SLC9B1: variants seen among roughly 807,000 people sequenced by gnomAD.
SLC9B1 encodes sodium/hydrogen exchanger 9B1.
A neutral mutation model predicts 51.7 loss-of-function variants in SLC9B1; 32 were observed. The observed-to-expected ratio is 0.62, with a 90% CI of 0.47 to 0.83. The LOEUF (loss-of-function observed/expected upper bound fraction) is 0.83. Ranked by LOEUF, SLC9B1 falls within the 40% of genes least tolerant of loss-of-function variation. SLC9B1 has a pLI of 0.00. For synonymous variants in SLC9B1, 145 were observed against 212.7 expected (o/e 0.68, Z 2.77); for missense variants, 406 against 613.2 (o/e 0.66, Z 3.57).
intron 1 of SLC9B1, among the ~76,000 whole-genome samples, chr4:103,000,621 T>C (rs1740469956): frequency 6.6e-6 from 1 of 152,178 alleles, no homozygotes; most frequent in South Asian, 2.1e-4. Flanking sequence ...GTGGGGGCAG[T>C]CATTAAACCT....
intron 1 of SLC9B1, among the ~76,000 whole-genome samples, chr4:103,015,311 A>T (rs1045838888): frequency 1.3e-5 from 2 of 151,524 alleles, no homozygotes; most frequent in Non-Finnish European, 3.0e-5. Context: ...TCAGGCCACA[A>T]TTTTTTTTAA....
chr4:102,917,645 C>G (rs1310049543), intron 7 of SLC9B1, among the ~76,000 whole-genome samples: 5 of 151,916 alleles, frequency 3.3e-5, no homozygotes, highest in Admixed American at 3.3e-4. Flanking sequence ...ATGAAGAGGA[C>G]AGTTTATATA....
chr4:102,903,026 T>C (rs1000041969), intron 11 of SLC9B1, among the ~76,000 whole-genome samples: 40 of 151,538 alleles, frequency 2.6e-4, no homozygotes, highest in Non-Finnish European at 4.4e-4. Context: ...CTGTTGTGAC[T>C]CTACTTGTAT....
chr4:102,978,729 G>C (rs561819027), intron 3 of SLC9B1, among the ~76,000 whole-genome samples: 1 of 152,188 alleles, frequency 6.6e-6, no homozygotes, highest in Non-Finnish European at 1.5e-5. Flanking sequence ...GTGTAAACTA[G>C]TTCAACCATT....
At chr4:102,926,587 G>A (rs1736191219) in intron 7 of SLC9B1, among the ~76,000 whole-genome samples, 1 of 152,126 alleles carries the variant, frequency 6.6e-6, no homozygotes, top group South Asian at 2.1e-4. Flanking sequence ...ACTGCTCAAC[G>A]AAATAAAAGA....
chr4:102,996,831 G>A (rs1390724912), intron 1 of SLC9B1, among the ~76,000 whole-genome samples: 1 of 151,882 alleles, frequency 6.6e-6, no homozygotes, highest in Non-Finnish European at 1.5e-5. Context: ...CTGTCACCCA[G>A]GCTGGAGTGC....
At chr4:102,935,564 C>T (rs1286697469) in intron 6 of SLC9B1, among the ~76,000 whole-genome samples, 1 of 152,112 alleles carries the variant, frequency 6.6e-6, no homozygotes, top group Non-Finnish European at 1.5e-5. Flanking sequence ...TGTTGACATA[C>T]AATGTAGTCT....
chr4:103,007,111 G>C lies in SLC9B1; in HGVS notation c.-2+12488C>G, dbSNP rs550231011. On this transcript the variant is annotated intron_variant, in intron 1 of 11. Transcript: ENST00000296422. ...AACACTCCTATTCAACATAATACTGGAAGTTCTAGCCAGAACAATCAGGCA... is the reference window on the plus strand; with the variant it reads ...AACACTCCTATTCAACATAATACTGCAAGTTCTAGCCAGAACAATCAGGCA... 3.3e-5 allele frequency among the ~76,000 whole-genome samples: 5 copies of C among 152,240 alleles called. No homozygotes were observed. The East Asian group carries it at 9.6e-4, about 29-fold the overall frequency.
At chr4:102,893,339 C>T (rs1578323774) in intron 11 of SLC9B1, among the ~76,000 whole-genome samples, 1 of 143,884 alleles carries the variant, frequency 7.0e-6, no homozygotes, top group South Asian at 2.2e-4. Context: ...CTTTGAAATG[C>T]TGCATGCAAC....
chr4:103,019,672 G>A lies in SLC9B1; in HGVS notation c.-75C>T, dbSNP rs1021268883. ...CCAGTGACCGTTGCGTAAGCCACGC[G>A]CCACCCAGGTGGGCAGGGTGGTGAC... On this transcript the variant is annotated 5_prime_UTR_variant, in exon 1 of 12. Transcript: ENST00000296422. 35 of 985,486 alleles carry A rather than the reference G, an allele frequency of 3.6e-5. No individual in the cohort carries two copies. In the African/African-American group the frequency reaches 5.2e-4, roughly 15 times the overall value. 61.0% of individuals were successfully genotyped at this position (985,486 alleles called of 1,614,324 possible). A position where few individuals can be genotyped will look rare whatever the true frequency, so the allele number is the denominator to read the frequency against.
At chr4:102,959,978 T>C (rs1738015924) in intron 3 of SLC9B1, among the ~76,000 whole-genome samples, 1 of 151,284 alleles carries the variant, frequency 6.6e-6, no homozygotes. Flanking sequence ...CATGCACCCC[T>C]GAACCCAAAA....
intron 3 of SLC9B1, among the ~76,000 whole-genome samples, chr4:102,955,903 G>GAAAGAA (rs1560950270): frequency 0.013 from 1,095 of 81,936 alleles, 34 homozygotes; most frequent in Middle Eastern, 0.019. Flanking sequence ...GAAAGAAAGA[G>GAAAGAA]AGAGAAAGAC....
chr4:102,949,835 C>T (rs1249272400), intron 3 of SLC9B1, among the ~76,000 whole-genome samples: 6 of 151,944 alleles, frequency 3.9e-5, no homozygotes, highest in Non-Finnish European at 5.9e-5. Flanking sequence ...GTGGTGCGTG[C>T]CTGTAATCCC....
chr4:102,951,958 ATC>A lies in SLC9B1; in HGVS notation c.212-2533_212-2532del, dbSNP rs1253859406. On this transcript the variant is annotated intron_variant, in intron 3 of 11. Transcript: ENST00000296422. ...ATAGACTACCAAAGGCAAAAATAAA[ATC>A]TTTTTTTTTTTTTTTTTTTTATTAT... Among the ~76,000 whole-genome samples, 3 of 8,226 alleles carry A rather than the reference ATC, an allele frequency of 3.6e-4. 1 individual carries two copies. The highest frequency in any genetic ancestry group is 1.5e-3 in the African/African-American group (3 of 2,044). 5.4% of individuals were successfully genotyped at this position (8,226 alleles called of 152,430 possible).
chr4:102,966,574 AAT>A, intron 3 of SLC9B1, among the ~76,000 whole-genome samples: 1 of 152,240 alleles, frequency 6.6e-6, no homozygotes, highest in South Asian at 2.1e-4. Flanking sequence ...GCTGTGCCAG[AAT>A]TTGGGGAGCA....
intron 3 of SLC9B1, among the ~76,000 whole-genome samples, chr4:102,957,721 G>A (rs947590255): frequency 2.0e-5 from 3 of 152,030 alleles, no homozygotes; most frequent in East Asian, 1.9e-4. Context: ...AGGAATAAAC[G>A]GCACTGGAAG....
chr4:102,888,731 A>G (rs1238857515), intron 11 of SLC9B1: 2 of 152,308 alleles, frequency 1.3e-5, no homozygotes, highest in African/African-American at 4.8e-5. Flanking sequence ...ACAAGAGCCC[A>G]GGAGTTCAAG....
chr4:102,902,818 T>C lies in SLC9B1; in HGVS notation c.1333-1486A>G, dbSNP rs1473470895. Among the ~76,000 whole-genome samples, 4 of 152,208 alleles carry C rather than the reference T, an allele frequency of 2.6e-5. 1 individual carries two copies. Among genetic ancestry groups the C allele is most frequent in the African/African-American group, 9.7e-5 (4 of 41,448 alleles). On this transcript the variant is annotated intron_variant, in intron 11 of 11. Transcript: ENST00000296422. The stretch of plus-strand genomic sequence containing the variant: ...TGTAAACTAAATTATTTATTTACTC[T>C]CCTAATAGCTTCATTTTTCCACTCT...
At chr4:102,904,447 A>G (rs1288970448) in intron 11 of SLC9B1, among the ~76,000 whole-genome samples, 2 of 123,190 alleles carry the variant, frequency 1.6e-5, no homozygotes, top group Non-Finnish European at 3.3e-5. Context: ...TATTCTTATT[A>G]TATATTTTAG....
Sources: gnomAD v4.1 joint callset for allele counts (sites outside exome capture counted in the v4.1 genomes callset) on GRCh38, gnomAD v4.1.1 for gene constraint, MANE v1.5 for transcripts, NCBI Gene and HGNC (gene_info 2026-07-23, HGNC 2026-07-21) for gene names.